The following NEBL variants were observed in gnomAD, a reference collection of about 807,000 sequenced individuals.
NEBL encodes LIM and SH3 protein 2.
A neutral mutation model predicts 140.2 loss-of-function variants in NEBL; 122 were observed. The ratio of observed to expected loss-of-function variants is 0.87; its 90% CI spans 0.75 to 1.01. The LOEUF is 1.01. NEBL is among the 50% of genes least tolerant of loss of function. The probability of loss-of-function intolerance (pLI) is 0.00; values close to 1 mark genes in which losing one functional copy is unlikely to be tolerated. For synonymous variants in NEBL, 436 were observed against 398.9 expected (o/e 1.09, Z -1.11); for missense variants, 1,365 against 1,231.3 (o/e 1.11, Z -1.62).
chr10:20,871,776 A>G (rs1362772931), intron 5 of NEBL, among the ~76,000 whole-genome samples: 1 of 152,238 alleles, frequency 6.6e-6, no homozygotes, highest in Non-Finnish European at 1.5e-5. Flanking sequence ...ACATAAAAAT[A>G]AGGCCGAAAC....
At position 20,782,225 on chromosome 10, in the gene NEBL, T is replaced by C. The variant is rs968817703; in HGVS notation, c.*3522A>G. The C allele has an allele frequency of 6.6e-6, 1 of 152,512 alleles. No homozygotes were observed. Among genetic ancestry groups the C allele is most frequent in the African/African-American group, 2.4e-5 (1 of 41,422 alleles). The allele number at this position is 152,512 out of a possible 1,614,324, so 9.4% of individuals were successfully genotyped here. On this transcript the variant is annotated 3_prime_UTR_variant, in exon 28 of 28. Transcript: ENST00000377122. ...TGTGTAATAAAATATTACTATAGAA[T>C]AGGCAGCAACTTGCTTGCTTGGTTT...
chr10:20,821,915 G>A (rs1839358290), intron 19 of NEBL, among the ~76,000 whole-genome samples: 1 of 152,150 alleles, frequency 6.6e-6, no homozygotes, highest in Admixed American at 6.6e-5. Context: ...TGCCAGGAAT[G>A]CCTTTCCTCA....
At chr10:21,088,806 A>G (rs1339358662) in intron 2 of NEBL, among the ~76,000 whole-genome samples, 1 of 152,250 alleles carries the variant, frequency 6.6e-6, no homozygotes, top group Non-Finnish European at 1.5e-5. Context: ...AACTAAGATA[A>G]GAAGTATCTG....
At chr10:21,133,662 T>G (rs556593389) in intron 2 of NEBL, among the ~76,000 whole-genome samples, 1 of 152,180 alleles carries the variant, frequency 6.6e-6, no homozygotes, top group Admixed American at 6.5e-5. Flanking sequence ...CCAGTACATA[T>G]TAGCTGTTAT....
In NEBL at chr10:20,780,582, G is replaced by A. The variant is rs1228381010; in HGVS notation, c.*5165C>T. On this transcript the variant is annotated 3_prime_UTR_variant, in exon 28 of 28. Transcript: ENST00000377122. Reference sequence around the variant, plus strand: ...GGGGTATTATTAGGGTGCATTGCTTGCATCTAACAACCCATGCTCCAAGAA... The same window carrying A: ...GGGGTATTATTAGGGTGCATTGCTTACATCTAACAACCCATGCTCCAAGAA... The A allele has an allele frequency of 2.6e-5, 4 of 152,162 alleles. No individual in the cohort carries two copies. Among genetic ancestry groups the A allele is most frequent in the African/African-American group, 9.7e-5 (4 of 41,440 alleles). 9.4% of individuals were successfully genotyped at this position (152,162 alleles called of 1,614,324 possible). A position where few individuals can be genotyped will look rare whatever the true frequency, so the allele number is the denominator to read the frequency against.
intron 3 of NEBL, among the ~76,000 whole-genome samples, chr10:21,235,953 C>A (rs777489299): frequency 6.6e-6 from 1 of 152,060 alleles, no homozygotes; most frequent in East Asian, 1.9e-4. Flanking sequence ...GGAAAAGAAA[C>A]GACTTTTTAA....
chr10:21,023,002 T>C (rs1275865745), intron 2 of NEBL, among the ~76,000 whole-genome samples: 4 of 152,200 alleles, frequency 2.6e-5, no homozygotes, highest in South Asian at 2.1e-4. Context: ...TTCCAGACAA[T>C]AGACAGAGGA....
chr10:21,085,708 T>C (rs778070497), intron 2 of NEBL, among the ~76,000 whole-genome samples: 19 of 152,176 alleles, frequency 1.2e-4, no homozygotes, highest in Admixed American at 2.0e-4. Flanking sequence ...ATTAAAGCAA[T>C]TTTCTACATA....
At chr10:21,226,086 T>C (rs1361820610) in intron 3 of NEBL, among the ~76,000 whole-genome samples, 1 of 151,946 alleles carries the variant, frequency 6.6e-6, no homozygotes, top group Non-Finnish European at 1.5e-5. Flanking sequence ...GCCCAAGGGC[T>C]CTTTAGTCAG....
rs768402546 is a variant in NEBL at position 20,784,685 on chromosome 10, C to A, written c.*1062G>T. ...TCCATTGCTTCACTGGCTTCTGTTA[C>A]ATTTTCTTCACTTTGAAATCAATGG... On this transcript the variant is annotated 3_prime_UTR_variant, in exon 28 of 28. Coordinates refer to ENST00000377122, the MANE Select transcript of NEBL (RefSeq NM_006393.3). The A allele has an allele frequency of 6.6e-6, 1 of 152,154 alleles. No homozygotes were observed. Among genetic ancestry groups the A allele is most frequent in the Non-Finnish European group, 1.5e-5 (1 of 68,032 alleles). 9.4% of individuals were successfully genotyped at this position (152,154 alleles called of 1,614,324 possible).
At chr10:20,787,376 C>A in intron 26 of NEBL, 68 bp from the exon 27 acceptor site, 1 of 1,271,038 alleles carries the variant, frequency 7.9e-7, no homozygotes, top group East Asian at 2.4e-5. Flanking sequence ...ATCCCAAACC[C>A]TCAGAGTGAT....
At chr10:21,004,669 G>A (rs1036676169) in intron 3 of NEBL, among the ~76,000 whole-genome samples, 1 of 151,764 alleles carries the variant, frequency 6.6e-6, no homozygotes, top group African/African-American at 2.4e-5. Context: ...GCAGTGAGTC[G>A]AGATTGCACC....
Position 20,896,945 on chromosome 10 carries a change from T to A in NEBL, c.153+13A>T. On this transcript the variant is annotated intron_variant, in intron 2 of 27. Coordinates refer to ENST00000377122, the MANE Select transcript of NEBL (RefSeq NM_006393.3). ...CAATGCAAAATAAGACAAAAATTAC[T>A]CCAGCCACTTACATCGCTAATGAGT... The A allele has an allele frequency of 6.2e-7, 1 of 1,612,050 alleles. No individual in the cohort carries two copies. The highest frequency in any genetic ancestry group is 8.5e-7 in the Non-Finnish European group (1 of 1,178,226).
At chr10:20,917,719 C>A (rs1739144107) in intron 4 of NEBL, among the ~76,000 whole-genome samples, 1 of 152,192 alleles carries the variant, frequency 6.6e-6, no homozygotes, top group African/African-American at 2.4e-5. Context: ...TTAGCAGCAA[C>A]CATGTCTATA....
At position 21,244,683 on chromosome 10, in the gene NEBL, T is replaced by A. The variant is rs555111587; in HGVS notation, n.348+3238A>T. Among the ~76,000 whole-genome samples, 97 of 151,264 alleles carry A rather than the reference T, an allele frequency of 6.4e-4. No individual in the cohort carries two copies. The South Asian group carries it at 0.013, about 20-fold the overall frequency. On this transcript the variant is annotated intron_variant and non_coding_transcript_variant, in intron 3 of 8. Coordinates refer to the NEBL transcript ENST00000675702. Reference sequence around the variant, plus strand: ...AATAAAATTAAACTAAAAATTTTTTTAAAAAATTAAAAATTAAAACTTAAA... The same window carrying A: ...AATAAAATTAAACTAAAAATTTTTTAAAAAAATTAAAAATTAAAACTTAAA...
At chr10:20,814,640 A>ACACACACACACAC (rs1554775382) in intron 22 of NEBL, among the ~76,000 whole-genome samples, 3 of 151,188 alleles carry the variant, frequency 2.0e-5, no homozygotes, top group Non-Finnish European at 2.9e-5. Context: ...ACACACACAC[A>ACACACACACACAC]ACTGGTTATC....
At chr10:21,239,071 T>G (rs925033076) in intron 3 of NEBL, among the ~76,000 whole-genome samples, 6 of 152,130 alleles carry the variant, frequency 3.9e-5, no homozygotes, top group Non-Finnish European at 8.8e-5. Flanking sequence ...GTTTTCAAGA[T>G]AAATACATCT....
intron 3 of NEBL, among the ~76,000 whole-genome samples, chr10:21,241,285 TAA>T (rs35430205): frequency 2.1e-5 from 3 of 146,310 alleles, no homozygotes; most frequent in African/African-American, 7.5e-5. Flanking sequence ...AATAAATAAA[TAA>T]AAATAAAAAT....
chr10:20,898,566 T>C (rs1422535048), upstream of NEBL, among the ~76,000 whole-genome samples: 1 of 152,138 alleles, frequency 6.6e-6, no homozygotes, highest in Non-Finnish European at 1.5e-5. Flanking sequence ...CCACAAAAGA[T>C]TCTGGGGGAA....
Sources: allele counts gnomAD v4.1 joint callset (sites outside exome capture counted in the v4.1 genomes callset), GRCh38; gene constraint gnomAD v4.1.1; transcripts MANE v1.5; gene names NCBI Gene and HGNC (gene_info 2026-07-23, HGNC 2026-07-21).